ADH6: variants seen among roughly 807,000 people sequenced by gnomAD.
ADH6 encodes the protein alcohol dehydrogenase 6.
Under a neutral mutation model 36.5 loss-of-function variants are expected in ADH6, and 34 were observed. The observed-to-expected ratio is 0.93, with a 90% CI of 0.71 to 1.24. The LOEUF (loss-of-function observed/expected upper bound fraction) is 1.24. Among genes scored for constraint, ADH6 ranks in the 50% most tolerant of loss-of-function variants. The pLI is 0.00. For synonymous variants in ADH6, 161 were observed against 155.5 expected (o/e 1.04, Z -0.26); for missense variants, 440 against 447.0 (o/e 0.98, Z 0.14).
At position 99,215,436 on chromosome 4, in the gene ADH6, A is replaced by G. The variant is rs542559412; in HGVS notation, c.120+725T>C. On this transcript the variant is annotated intron_variant, in intron 2 of 8. Coordinates refer to ENST00000394899, the MANE Select transcript of ADH6 (RefSeq NM_001102470.2). Reference sequence around the variant, plus strand: ...TCTGAAGGCAATTTAAAAACTTTCCATGTCCAGGCTGCACCCCAGACTAAT... The same window carrying G: ...TCTGAAGGCAATTTAAAAACTTTCCGTGTCCAGGCTGCACCCCAGACTAAT... 8.9e-4 allele frequency among the ~76,000 whole-genome samples: 135 copies of G among 152,342 alleles called. 1 individual carries two copies. The highest frequency in any genetic ancestry group is 9.4e-4 in the Non-Finnish European group (64 of 68,032).
chr4:99,212,269 T>C (rs377362591), intron 3 of ADH6, among the ~76,000 whole-genome samples: 44 of 152,290 alleles, frequency 2.9e-4, no homozygotes, highest in African/African-American at 1.0e-3. Flanking sequence ...TGTCTGCCTA[T>C]ATTCTTGTGA....
intron 8 of ADH6, 185 bp from the exon 9 acceptor site, chr4:99,204,428 G>A (rs545539768): frequency 5.1e-5 from 72 of 1,404,686 alleles, no homozygotes; most frequent in Non-Finnish European, 6.6e-5. Context: ...AGGGTAAAAA[G>A]TAGGTAAGCA....
intron 3 of ADH6, 68 bp from the exon 4 acceptor site, chr4:99,210,570 G>A: frequency 7.9e-7 from 1 of 1,260,358 alleles, no homozygotes; most frequent in Admixed American, 2.0e-5. Flanking sequence ...TGTCTTTCAG[G>A]ATTTTGACAG....
rs1158626650 is a variant in ADH6 at position 99,208,920 on chromosome 4, T to TG, written c.575dup (p.Gly193ArgfsTer21). 1.2e-6 allele frequency: 2 copies of TG among 1,612,654 alleles called. No homozygotes were observed. Among genetic ancestry groups the TG allele is most frequent in the Non-Finnish European group, 1.7e-6 (2 of 1,179,402 alleles). ...GGCCAAACACAGCACAGGTAGAACC[T>TG]GGAGTCACCTAAACACATACAGGCA... On this transcript the variant is annotated frameshift_variant, in exon 6 of 9. Coordinates refer to ENST00000394899, the MANE Select transcript of ADH6 (RefSeq NM_001102470.2). LOFTEE classifies it high-confidence loss of function.
intron 2 of ADH6, 112 bp from the exon 3 acceptor site, chr4:99,213,859 A>C (rs1038702260): frequency 1.1e-6 from 1 of 910,128 alleles, no homozygotes; most frequent in African/African-American, 1.7e-5. Flanking sequence ...TATACACTGC[A>C]TTCATTTCTT....
At chr4:99,216,007 T>G (rs1731400395) in intron 2 of ADH6, 154 bp downstream of exon 2, 1 of 443,986 alleles carries the variant, frequency 2.3e-6, no homozygotes, top group South Asian at 5.5e-5. Context: ...ATTTAAAAAT[T>G]GATGGAAATG....
Position 99,213,662 on chromosome 4 carries a change from T to A in ADH6, c.206A>T (p.His69Leu). 2 of 1,614,028 alleles carry A rather than the reference T, an allele frequency of 1.2e-6. No individual in the cohort carries two copies. The highest frequency in any genetic ancestry group is 1.7e-6 in the Non-Finnish European group (2 of 1,179,962). The change falls in exon 3 of 9, where the codon CAT becomes CTT. Residue 69 changes from histidine (H) to leucine (L), a missense_variant. Physicochemically the swap from His to Leu is moderately conservative, Grantham distance 99. Transcript: ENST00000394899. ...ACTCTCAACGATTCCAGCCCCTTCA[T>A]GGCCCAAGATGGTGGGATACAAGAG... ...LDLLYPTILG[H>L]EGAGIVESIG...
chr4:99,204,578 G>A, intron 8 of ADH6: 2 of 1,190,838 alleles, frequency 1.7e-6, no homozygotes, highest in Admixed American at 4.3e-5. Flanking sequence ...TACAACAATG[G>A]CCTATTTGTG....
At chr4:99,217,098 C>T (rs1377434128) in intron 1 of ADH6, among the ~76,000 whole-genome samples, 8 of 152,098 alleles carry the variant, frequency 5.3e-5, no homozygotes, top group Admixed American at 2.0e-4. Context: ...TGCAGTAGCA[C>T]GATCTCGGCT....
chr4:99,208,708 A>G lies in ADH6; in HGVS notation c.788T>C (p.Ile263Thr). The G allele has an allele frequency of 1.2e-6, 2 of 1,613,816 alleles. No individual in the cohort carries two copies. Among genetic ancestry groups the G allele is most frequent in the Admixed American group, 3.3e-5 (2 of 60,010 alleles). Residue 263 changes from isoleucine (I) to threonine (T), a missense_variant, in exon 6 of 9, where the codon ATA becomes ACA. Coordinates refer to ENST00000394899, the MANE Select transcript of ADH6 (RefSeq NM_001102470.2). ...TCCAATGGCCTCAAAGCAGAAGTCT[A>G]TACCAGCATCTGTCATATCAAATAA... ...EVLFDMTDAG[I>T]DFCFEAIGNL...
At chr4:99,216,373 C>T (rs1051770999) in intron 1 of ADH6, 111 bp from the exon 2 acceptor site, 4 of 536,062 alleles carry the variant, frequency 7.5e-6, no homozygotes, top group Non-Finnish European at 9.0e-6. Flanking sequence ...CAACTTTCCG[C>T]ACTGCAGAAA....
intron 5 of ADH6, among the ~76,000 whole-genome samples, chr4:99,209,368 C>CT (rs34686169): frequency 2.4e-4 from 36 of 150,174 alleles, no homozygotes; most frequent in African/African-American, 5.4e-4. Context: ...AAGGCAAAGG[C>CT]TTTTTTTTTA....
intron 2 of ADH6, 191 bp downstream of exon 2, chr4:99,215,970 T>A (rs1292691005): frequency 5.2e-6 from 2 of 385,480 alleles, no homozygotes; most frequent in Admixed American, 8.8e-5. Context: ...GCCTATGCTT[T>A]ACCTCCCTAA....
In ADH6 at chr4:99,210,082, C is replaced by T; in HGVS notation, c.567G>A (p.Lys189=). 1.2e-6 allele frequency: 2 copies of T among 1,613,268 alleles called. No homozygotes were observed. The highest frequency in any genetic ancestry group is 1.1e-5 in the South Asian group (1 of 91,050). The change falls in exon 5 of 9, where the codon AAG becomes AAA. Residue 189 remains lysine (K), a splice_region_variant and synonymous_variant. Transcript: ENST00000394899. ...TGFGAAINTA[K]VTPGSTCAVF... ...CCAAATGGGTATAAATGCCCCTCACCTTGGCAGTATTGATTGCAGCACCAA... is the reference window on the plus strand; with the variant it reads ...CCAAATGGGTATAAATGCCCCTCACTTTGGCAGTATTGATTGCAGCACCAA...
At chr4:99,210,654 C>T (rs995267406) in intron 3 of ADH6, 152 bp from the exon 4 acceptor site, 2 of 638,820 alleles carry the variant, frequency 3.1e-6, no homozygotes, top group African/African-American at 3.7e-5. Flanking sequence ...CAAAGAATAT[C>T]AAATACTTAC....
chr4:99,213,736 G>A lies in ADH6; in HGVS notation c.132C>T (p.Thr44=), dbSNP rs61755960. The change falls in exon 3 of 9, where the codon ACC becomes ACT. Residue 44 remains threonine, a synonymous_variant. Coordinates refer to ENST00000394899, the MANE Select transcript of ADH6 (RefSeq NM_001102470.2). The stretch of plus-strand genomic sequence containing the variant: ...CTTTCATCTCTGTACCACACAGTCC[G>A]GTGGCCACAACCTGTATGGAAGGCA... ...AKEVRIKVVA[T]GLCGTEMKVL... is the part of the protein sequence containing the mutation. The A allele has an allele frequency of 1.4e-4, 224 of 1,607,114 alleles. No homozygotes were observed. Among genetic ancestry groups the A allele is most frequent in the Admixed American group, 4.3e-4 (25 of 58,276 alleles).
chr4:99,204,227 A>G lies in ADH6; in HGVS notation c.1120T>C (p.Leu374=). 1.9e-6 allele frequency: 3 copies of G among 1,602,976 alleles called. No individual in the cohort carries two copies. The highest frequency in any genetic ancestry group is 2.2e-5 in the East Asian group (1 of 44,752). Residue 374 remains leucine, a synonymous_variant, in exon 9 of 9, where the codon TTA becomes CTA. Coordinates refer to ENST00000394899, the MANE Select transcript of ADH6 (RefSeq NM_001102470.2). ...CATGTATTACATTGTACTTAAAGTA[A>G]CAGGATACAGCGGATACTGAAAAAA... ...KTGKCIRCIL[L]L is the part of the protein sequence containing the mutation.
At position 99,203,602 on chromosome 4, in the gene ADH6, T is replaced by C. The variant is rs1730926573; in HGVS notation, c.*617A>G. 1 of 152,120 alleles carries C rather than the reference T, an allele frequency of 6.6e-6. No homozygotes were observed. Among genetic ancestry groups the C allele is most frequent in the African/African-American group, 2.4e-5 (1 of 41,412 alleles). 9.4% of individuals were successfully genotyped at this position (152,120 alleles called of 1,614,324 possible). A position where few individuals can be genotyped will look rare whatever the true frequency, so the allele number is the denominator to read the frequency against. On this transcript the variant is annotated 3_prime_UTR_variant, in exon 9 of 9. Coordinates refer to ENST00000394899, the MANE Select transcript of ADH6 (RefSeq NM_001102470.2). ...GTATGATGACTCCCCTCATCCCTTT[T>C]TTTTCTGCTGGATCCCTAGGTGGCT...
intron 1 of ADH6, among the ~76,000 whole-genome samples, chr4:99,217,446 ACGTATG>A (rs1731488844): frequency 6.6e-6 from 1 of 152,084 alleles, no homozygotes; most frequent in African/African-American, 2.4e-5. Flanking sequence ...TTTAGCTCCC[ACGTATG>A]CGTAAGAACA....
Sources: gnomAD v4.1 joint callset for allele counts (sites outside exome capture counted in the v4.1 genomes callset) on GRCh38, gnomAD v4.1.1 for gene constraint, MANE v1.5 for transcripts, NCBI Gene and HGNC (gene_info 2026-07-23, HGNC 2026-07-21) for gene names.